ITGB8: variants seen among roughly 807,000 people sequenced by gnomAD.
ITGB8 encodes integrin beta-8.
In ITGB8, 30 loss-of-function variants were observed where a neutral mutation model predicts 89.5. The ratio of observed to expected loss-of-function variants is 0.34; its 90% confidence interval spans 0.25 to 0.45. ITGB8 has a LOEUF of 0.45. ITGB8 is among the 20% of genes least tolerant of loss of function. ITGB8 has a pLI of 1.00. For synonymous variants in ITGB8, 335 were observed against 320.4 expected (o/e 1.05, Z -0.49); for missense variants, 836 against 933.3 (o/e 0.90, Z 1.36).
chr7:20,340,642 T>C (rs1360085224), intron 1 of ITGB8, among the ~76,000 whole-genome samples: 1 of 152,204 alleles, frequency 6.6e-6, no homozygotes, highest in African/African-American at 2.4e-5. Context: ...TCAGGGATCT[T>C]TCCTTGGAAT....
intron 6 of ITGB8, among the ~76,000 whole-genome samples, chr7:20,384,268 G>A (rs1786516060): frequency 6.6e-6 from 1 of 152,072 alleles, no homozygotes; most frequent in African/African-American, 2.4e-5. Context: ...TGCCAATAAT[G>A]TTGAATGGTA....
In ITGB8 at chr7:20,398,872, G is replaced by A; in HGVS notation, c.1159G>A (p.Glu387Lys). 1 of 1,587,260 alleles carries A rather than the reference G, an allele frequency of 6.3e-7. No individual in the cohort carries two copies. The highest frequency in any genetic ancestry group is 8.6e-7 in the Non-Finnish European group (1 of 1,169,174). The change falls in exon 9 of 14, where the codon GAA (glutamate) becomes AAA (lysine). Residue 387 changes from glutamate to lysine, a missense_variant. Glu to Lys is a moderately conservative substitution (Grantham distance 56). Transcript: ENST00000222573. ...AATGTCTCTGCAGAAGCTCATTTCA[G>A]AAGTGAAAGTTCAGGTGGAAAACCA... ...VVEAYQKLIS[E>K]VKVQVENQVQ...
chr7:20,370,192 A>T (rs986178719), intron 3 of ITGB8, among the ~76,000 whole-genome samples: 7 of 151,908 alleles, frequency 4.6e-5, no homozygotes, highest in African/African-American at 1.7e-4. Flanking sequence ...TAAAATAGAT[A>T]AATTGTTGGC....
chr7:20,406,339 T>A (rs1271909914), intron 12 of ITGB8, among the ~76,000 whole-genome samples, 168 bp downstream of exon 12: 1 of 152,120 alleles, frequency 6.6e-6, no homozygotes, highest in African/African-American at 2.4e-5. Context: ...TCACCTGAGG[T>A]CAGGAGTTCC....
chr7:20,373,221 T>C (rs1367652634), intron 3 of ITGB8, among the ~76,000 whole-genome samples: 1 of 152,214 alleles, frequency 6.6e-6, no homozygotes, highest in African/African-American at 2.4e-5. Flanking sequence ...TTGGATGTTT[T>C]AAATGACATT....
At chr7:20,395,670 T>G (rs1339773670) in intron 8 of ITGB8, among the ~76,000 whole-genome samples, 1 of 152,226 alleles carries the variant, frequency 6.6e-6, no homozygotes, top group Non-Finnish European at 1.5e-5. Flanking sequence ...ACTGCTACTT[T>G]TTTACCACTA....
At chr7:20,359,260 C>T (rs1345877202) in intron 1 of ITGB8, among the ~76,000 whole-genome samples, 1 of 152,188 alleles carries the variant, frequency 6.6e-6, no homozygotes, top group African/African-American at 2.4e-5. Context: ...TGTGCTTTAG[C>T]ACATTATAAT....
chr7:20,384,589 A>T (rs1211773689), intron 6 of ITGB8, among the ~76,000 whole-genome samples: 1 of 152,226 alleles, frequency 6.6e-6, no homozygotes, highest in African/African-American at 2.4e-5. Flanking sequence ...AAGCTAAGTA[A>T]GTTGCCTGAG....
rs1434831688 is a variant in ITGB8 at position 20,409,880 on chromosome 7, G to A, written c.2193G>A (p.Lys731=). ...AATATTTCTTCTCTATTAAGGATAA[G>A]TTGATTCTGCAAAGTGTTTGCACAA... ...DYRVSASKKD[K]LILQSVCTRA... Residue 731 remains lysine (K), a synonymous_variant, in exon 14 of 14, where the codon AAG becomes AAA. Coordinates refer to ENST00000222573, the MANE Select transcript of ITGB8 (RefSeq NM_002214.3). 4.3e-6 allele frequency: 7 copies of A among 1,613,366 alleles called. No individual in the cohort carries two copies. Among genetic ancestry groups the A allele is most frequent in the Non-Finnish European group, 5.9e-6 (7 of 1,179,722 alleles).
rs780219739 is a variant in ITGB8, at chr7:20,409,866, T to A, written c.2188-9T>A. 6.2e-7 allele frequency: 1 copy of A among 1,612,562 alleles called. No individual in the cohort carries two copies. Among genetic ancestry groups the A allele is most frequent in the South Asian group, 1.1e-5 (1 of 90,448 alleles). On this transcript the variant is annotated splice_polypyrimidine_tract_variant and intron_variant, in intron 13 of 13. Transcript: ENST00000222573. ...CCTTAGTTAATAATAATATTTCTTC[T>A]CTATTAAGGATAAGTTGATTCTGCA...
At position 20,380,860 on chromosome 7, in the gene ITGB8, G is replaced by C. The variant is rs761179716; in HGVS notation, c.801+29G>C. 33 of 1,566,214 alleles carry C rather than the reference G, an allele frequency of 2.1e-5. 1 individual carries two copies. The highest frequency in any genetic ancestry group is 2.5e-5 in the Non-Finnish European group (29 of 1,153,274). ...AGACGTTTCACATGATCGAGTGTTT[G>C]CTAAGATGCCAAACTTTCAAAGAAT... On this transcript the variant is annotated intron_variant, in intron 5 of 13. Coordinates refer to ENST00000222573, the MANE Select transcript of ITGB8 (RefSeq NM_002214.3).
chr7:20,391,019 A>G (rs1450253419), intron 6 of ITGB8, among the ~76,000 whole-genome samples: 3 of 152,196 alleles, frequency 2.0e-5, no homozygotes, highest in East Asian at 1.9e-4. Context: ...ACATATTTGC[A>G]GTTCAATACT....
rs1371756299 is a variant in ITGB8, at chr7:20,353,910, C to T, written c.128-9727C>T. Among the ~76,000 whole-genome samples, 79 of 106,810 alleles carry T rather than the reference C, an allele frequency of 7.4e-4. 2 individuals carry two copies. Among genetic ancestry groups the T allele is most frequent in the African/African-American group, 2.7e-3 (66 of 24,608 alleles). 70.1% of individuals were successfully genotyped at this position (106,810 alleles called of 152,430 possible). On this transcript the variant is annotated intron_variant, in intron 1 of 13. Coordinates refer to ENST00000222573, the MANE Select transcript of ITGB8 (RefSeq NM_002214.3). ...TCGCGCCACTGCACTCCAGCCTGGGCGACAGAGCGAGACTCCGTCTCAAAA... is the reference window on the plus strand; with the variant it reads ...TCGCGCCACTGCACTCCAGCCTGGGTGACAGAGCGAGACTCCGTCTCAAAA...
intron 3 of ITGB8, among the ~76,000 whole-genome samples, chr7:20,367,692 CTT>C (rs1302226087): frequency 1.3e-5 from 2 of 150,832 alleles, no homozygotes; most frequent in African/African-American, 4.9e-5. Context: ...TTGTAATAGA[CTT>C]TTAATCACAA....
chr7:20,413,669 T>TC lies in ITGB8; in HGVS notation c.*3673dup, dbSNP rs552536006. Reference sequence around the variant, plus strand: ...AGACATCTTTAATTGATCTTAAAGCTCATTTGAGTCTTTGCCCCTGAACAA... The same window carrying TC: ...AGACATCTTTAATTGATCTTAAAGCTCCATTTGAGTCTTTGCCCCTGAACAA... On this transcript the variant is annotated 3_prime_UTR_variant, in exon 14 of 14. Coordinates refer to ENST00000222573, the MANE Select transcript of ITGB8 (RefSeq NM_002214.3). The TC allele has an allele frequency of 6.3e-3, 957 of 152,226 alleles. 8 individuals are homozygous for TC. Among genetic ancestry groups the TC allele is most frequent in the African/African-American group, 0.022 (904 of 41,560 alleles). 9.4% of individuals were successfully genotyped at this position (152,226 alleles called of 1,614,324 possible). A position where few individuals can be genotyped will look rare whatever the true frequency, so the allele number is the denominator to read the frequency against.
At chr7:20,354,604 G>T (rs150857535) in intron 1 of ITGB8, among the ~76,000 whole-genome samples, 1 of 152,146 alleles carries the variant, frequency 6.6e-6, no homozygotes, top group Admixed American at 6.5e-5. Flanking sequence ...CCTTTTCTCC[G>T]GTTGTGTTTA....
Position 20,381,879 on chromosome 7 carries a change from A to G in ITGB8, c.954A>G (p.Thr318=), listed in dbSNP as rs781769353. 9.9e-6 allele frequency: 16 copies of G among 1,611,310 alleles called. No homozygotes were observed. Among genetic ancestry groups the G allele is most frequent in the Admixed American group, 1.7e-5 (1 of 59,386 alleles). ...AAAACAACGTCTATGTCAAATCGAC[A>G]ACCATGGTAATGCAGCAGTAACCGC... ...HLKNNVYVKS[T]TMEHPSLGQL... The change falls in exon 6 of 14, where the codon ACA becomes ACG. Residue 318 remains threonine, a synonymous_variant. Coordinates refer to ENST00000222573, the MANE Select transcript of ITGB8 (RefSeq NM_002214.3).
intron 1 of ITGB8, chr7:20,352,791 C>CTT (rs1562659698): frequency 6.6e-6 from 1 of 152,184 alleles, no homozygotes; most frequent in Non-Finnish European, 1.5e-5. Flanking sequence ...CTTCAGTTTT[C>CTT]CTGAGGAGTT....
intron 1 of ITGB8, among the ~76,000 whole-genome samples, chr7:20,338,516 C>T (rs1355519044): frequency 6.6e-6 from 1 of 152,038 alleles, no homozygotes; most frequent in Non-Finnish European, 1.5e-5. Context: ...ACCTGTAGTC[C>T]CAGCTACTTG....
Sources: gnomAD v4.1 joint callset for allele counts (sites outside exome capture counted in the v4.1 genomes callset) on GRCh38, gnomAD v4.1.1 for gene constraint, MANE v1.5 for transcripts, NCBI Gene and HGNC (gene_info 2026-07-23, HGNC 2026-07-21) for gene names.